Variants in ZNF749 observed in about 807,000 individuals in gnomAD.
ZNF749 encodes zinc finger protein 749.
In ZNF749, 8 loss-of-function variants were observed where a neutral mutation model predicts 7.3. The observed-to-expected ratio is 1.10, with a 90% CI of 0.64 to 1.98. ZNF749 has a LOEUF of 1.98. Ranked by LOEUF, ZNF749 falls within the 30% of genes most tolerant of loss-of-function variation. ZNF749 has a pLI of 0.00. For missense variants in ZNF749, 898 were observed against 932.4 expected, an observed-to-expected ratio of 0.96 and a Z score of 0.48; for synonymous variants, 310 against 322.4, an observed-to-expected ratio of 0.96 and a Z score of 0.41.
intron 1 of ZNF749, among the ~76,000 whole-genome samples, chr19:57,440,360 A>T (rs1273000605): frequency 2.0e-5 from 3 of 151,748 alleles, no homozygotes; most frequent in Admixed American, 2.0e-4. Context: ...ATGGGAAAAC[A>T]TGTACATTGC....
At position 57,445,653 on chromosome 19, in the gene ZNF749, G is replaced by C. The variant is rs576812423; in HGVS notation, c.*168G>C. 1.7e-3 allele frequency: 1,301 copies of C among 767,924 alleles called. 4 individuals carry two copies. The Middle Eastern group carries it at 0.02, about 12-fold the overall frequency. 47.6% of individuals were successfully genotyped at this position (767,924 alleles called of 1,614,324 possible). A position where few individuals can be genotyped will look rare whatever the true frequency, so the allele number is the denominator to read the frequency against. On this transcript the variant is annotated 3_prime_UTR_variant, in exon 3 of 3. Transcript: ENST00000334181. ...CTACATTAAAAACATTTATGTCCAG[G>C]CGTGGTGGCTCACGCCTGTAATCCC...
chr19:57,429,262 G>A, the ZNF749 span, among the ~76,000 whole-genome samples: 7,585 of 152,154 alleles, frequency 0.05, 573 homozygotes, highest in African/African-American at 0.17. The surrounding 1 kb of genome is among the most constrained non-coding windows in gnomAD (Gnocchi z 4.2). Flanking sequence ...CTGACCTCAG[G>A]TGATCTGCCT....
In ZNF749 at chr19:57,444,850, C is replaced by T; in HGVS notation, c.1702C>T (p.Gln568Ter). The change falls in exon 3 of 3, where the codon CAG (glutamine) becomes TAG (stop). Residue 568 changes from glutamine (Q) to a stop codon, truncating the protein, a stop_gained. Transcript: ENST00000334181. LOFTEE classifies it low-confidence loss of function (END_TRUNC). Reference protein sequence around the residue: ...CSECGKAFLTQAHLDGHQKIQ... With the variant: ...CSECGKAFLT ...TGAATGTGGGAAGGCCTTCCTTACA[C>T]AGGCTCATCTAGATGGTCACCAGAA... 1 of 1,614,132 alleles carries T rather than the reference C, an allele frequency of 6.2e-7. No individual in the cohort carries two copies. Among genetic ancestry groups the T allele is most frequent in the Non-Finnish European group, 8.5e-7 (1 of 1,179,996 alleles).
chr19:57,438,058 A>G (rs4801481), intron 1 of ZNF749: 371,341 of 398,686 alleles, frequency 0.93, 173,077 homozygotes, highest in Middle Eastern at 0.95. Flanking sequence ...GTAGGATGCC[A>G]CAGTACTGTC....
chr19:57,446,233 G>A lies in ZNF749; in HGVS notation c.*748G>A, dbSNP rs1269995896. 1.3e-5 allele frequency among the ~76,000 whole-genome samples: 2 copies of A among 152,140 alleles called. No individual in the cohort carries two copies. Among genetic ancestry groups the A allele is most frequent in the East Asian group, 1.9e-4 (1 of 5,182 alleles). ...TTCTCATAGCAGCCTGAGCCCTATTGTGAACTGTGCCTGTGAGGGATCTAG... is the reference window on the plus strand; with the variant it reads ...TTCTCATAGCAGCCTGAGCCCTATTATGAACTGTGCCTGTGAGGGATCTAG... On this transcript the variant is annotated 3_prime_UTR_variant, in exon 3 of 3. Coordinates refer to ENST00000334181, the MANE Select transcript of ZNF749 (RefSeq NM_001023561.4).
upstream of ZNF749, chr19:57,435,216 A>C (rs2088921669): frequency 7.5e-6 from 3 of 397,428 alleles, no homozygotes; most frequent in Admixed American, 1.3e-4. Flanking sequence ...CGACACAGGC[A>C]GCAACGTGAG....
At position 57,445,287 on chromosome 19, in the gene ZNF749, A is replaced by G. The variant is rs1014345549; in HGVS notation, c.2139A>G (p.Ile713Met). ...ELFRTKSSLI[I>M]HQQSHTGESP... Reference sequence around the variant, plus strand: ...TTAGGACTAAATCGAGCCTTATTATACATCAGCAGTCTCACACTGGAGAAA... The same window carrying G: ...TTAGGACTAAATCGAGCCTTATTATGCATCAGCAGTCTCACACTGGAGAAA... Residue 713 changes from isoleucine (I) to methionine (M), a missense_variant, in exon 3 of 3, where the codon ATA becomes ATG. Transcript: ENST00000334181. 2.5e-6 allele frequency: 4 copies of G among 1,613,880 alleles called. No homozygotes were observed. The Admixed American group carries it at 6.7e-5, about 27-fold the overall frequency.
chr19:57,433,854 A>G (rs1398334221), upstream of ZNF749, among the ~76,000 whole-genome samples: 1 of 151,750 alleles, frequency 6.6e-6, no homozygotes, highest in Non-Finnish European at 1.5e-5. Flanking sequence ...TTGCTACTCA[A>G]TTTTTCTCTC....
Position 57,445,454 on chromosome 19 carries a change from A to T in ZNF749, c.2306A>T (p.His769Leu), listed in dbSNP as rs141814159. The T allele has an allele frequency of 1.2e-6, 2 of 1,612,036 alleles. No individual in the cohort carries two copies. Among genetic ancestry groups the T allele is most frequent in the East Asian group, 2.2e-5 (1 of 44,844 alleles). Reference sequence around the variant, plus strand: ...AAATACAACTCCAGCCTCATTAAACATCAGATAATTCATACTGGAAAAAGG... The same window carrying T: ...AAATACAACTCCAGCCTCATTAAACTTCAGATAATTCATACTGGAAAAAGG... ...VFKYNSSLIKHQIIHTGKRP is the reference protein window; with the variant it reads ...VFKYNSSLIKLQIIHTGKRP Residue 769 changes from histidine to leucine, a missense_variant, in exon 3 of 3, where the codon CAT becomes CTT. Coordinates refer to ENST00000334181, the MANE Select transcript of ZNF749 (RefSeq NM_001023561.4).
Position 57,445,338 on chromosome 19 carries a change from G to C in ZNF749, c.2190G>C (p.Gly730=). ...GTCCTTTTAAGTTAAGGGAATGTGG[G>C]AAAGACTTCAACAAATGTAATACTG... is the stretch of plus-strand genomic sequence containing the variant. The part of the protein sequence containing the change: ...GESPFKLREC[G]KDFNKCNTGQ... Residue 730 remains glycine (G), a synonymous_variant, in exon 3 of 3, where the codon GGG becomes GGC. Coordinates refer to ENST00000334181, the MANE Select transcript of ZNF749 (RefSeq NM_001023561.4). 1 of 1,613,788 alleles carries C rather than the reference G, an allele frequency of 6.2e-7. No individual in the cohort carries two copies. The highest frequency in any genetic ancestry group is 2.2e-5 in the East Asian group (1 of 44,846).
intron 1 of ZNF749, among the ~76,000 whole-genome samples, chr19:57,441,197 T>C (rs1012695836): frequency 6.6e-6 from 1 of 151,408 alleles, no homozygotes; most frequent in Non-Finnish European, 1.5e-5. Context: ...CCCACCCATC[T>C]TTGTGCTGTG....
rs748345739 is a variant in ZNF749 at position 57,442,054 on chromosome 19, GT to G, written c.142+50del. On this transcript the variant is annotated intron_variant, in intron 2 of 2. Transcript: ENST00000334181. The surrounding 1 kb of genome is among the most constrained non-coding windows in gnomAD (Gnocchi z 6.6). ...ACTCTGGTGTCTTGTGCTGGGTGCT[GT>G]TTTTTTGCTCTTTTCCATGACAACT... The G allele has an allele frequency of 5.6e-6, 9 of 1,597,528 alleles. No homozygotes were observed. In the East Asian group the frequency reaches 1.6e-4, roughly 28 times the overall value.
At position 57,443,320 on chromosome 19, in the gene ZNF749, G is replaced by A; in HGVS notation, c.172G>A (p.Val58Ile). 1 of 1,610,782 alleles carries A rather than the reference G, an allele frequency of 6.2e-7. No individual in the cohort carries two copies. The highest frequency in any genetic ancestry group is 8.5e-7 in the Non-Finnish European group (1 of 1,177,862). ...TTGGCATGGAGCCAAGGATGAGGAG[G>A]TACCTTCCAAGCAGTGTGTTTCTGT... ...GCWHGAKDEE[V>I]PSKQCVSVRV... Residue 58 changes from valine to isoleucine, a missense_variant, in exon 3 of 3, where the codon GTA becomes ATA. Val to Ile is a conservative substitution (Grantham distance 29). Transcript: ENST00000334181.
rs750882566 is a variant in ZNF749, at chr19:57,445,982, A to G, written c.*497A>G. Among the ~76,000 whole-genome samples, 2 of 152,210 alleles carry G rather than the reference A, an allele frequency of 1.3e-5. No individual in the cohort carries two copies. The highest frequency in any genetic ancestry group is 2.9e-5 in the Non-Finnish European group (2 of 68,026). Reference sequence around the variant, plus strand: ...AATTACAGGTAACTTAAAATCTACCATCTTAACCCATATTTAACTGTACTG... The same window carrying G: ...AATTACAGGTAACTTAAAATCTACCGTCTTAACCCATATTTAACTGTACTG... On this transcript the variant is annotated 3_prime_UTR_variant, in exon 3 of 3. Transcript: ENST00000334181.
Position 57,443,423 on chromosome 19 carries a change from T to C in ZNF749, c.275T>C (p.Ile92Thr). Residue 92 changes from isoleucine (I) to threonine (T), a missense_variant, in exon 3 of 3, where the codon ATT (isoleucine) becomes ACT (threonine). Physicochemically the swap from Ile to Thr is moderately conservative, Grantham distance 89 (BLOSUM62 -1). Transcript: ENST00000334181. ...KAQPCKMCSSILKDILHLAEH... is the reference protein window; with the variant it reads ...KAQPCKMCSSTLKDILHLAEH... Reference sequence around the variant, plus strand: ...CAGCCCTGCAAGATGTGTAGCTCAATTCTGAAGGACATTCTGCACCTGGCT... The same window carrying C: ...CAGCCCTGCAAGATGTGTAGCTCAACTCTGAAGGACATTCTGCACCTGGCT... 1 of 1,614,246 alleles carries C rather than the reference T, an allele frequency of 6.2e-7. No homozygotes were observed. The highest frequency in any genetic ancestry group is 8.5e-7 in the Non-Finnish European group (1 of 1,180,042).
chr19:57,434,164 C>T (rs879314935), upstream of ZNF749, among the ~76,000 whole-genome samples: 2 of 152,186 alleles, frequency 1.3e-5, no homozygotes, highest in Non-Finnish European at 2.9e-5. Flanking sequence ...ATGGCGAGAT[C>T]TCGGCTCACC....
rs1326759188 is a variant in ZNF749, at chr19:57,435,367, A to G, written c.-212A>G. The G allele has an allele frequency of 5.9e-6, 4 of 678,810 alleles. No homozygotes were observed. Among genetic ancestry groups the G allele is most frequent in the Non-Finnish European group, 9.9e-6 (4 of 402,852 alleles). The allele number at this position is 678,810 out of a possible 1,614,324, so 42.0% of individuals were successfully genotyped here. On this transcript the variant is annotated 5_prime_UTR_variant, in exon 1 of 3. The change abolishes the stop of an existing upstream ORF in the 5' untranslated region. Transcript: ENST00000334181. ...CATGGTTGCGTTAGCATGGCTACCT[A>G]GGGATCTGTTCACTGATTTAGAGGG...
the ZNF749 span, among the ~76,000 whole-genome samples, chr19:57,430,075 C>G: frequency 6.6e-6 from 1 of 152,148 alleles, no homozygotes; most frequent in Non-Finnish European, 1.5e-5. Context: ...TTTCATCATT[C>G]AGGATTTATC....
At chr19:57,438,686 A>G (rs1445331966) in intron 1 of ZNF749, among the ~76,000 whole-genome samples, 1 of 152,130 alleles carries the variant, frequency 6.6e-6, no homozygotes, top group African/African-American at 2.4e-5. Context: ...CCCACCACTT[A>G]TCTCTCCGTT....
Sources: gnomAD v4.1 joint callset for allele counts (sites outside exome capture counted in the v4.1 genomes callset) on GRCh38, gnomAD v4.1.1 for gene constraint, Gnocchi (gnomAD v3.1) non-coding constraint, MANE v1.5 for transcripts, NCBI Gene and HGNC (gene_info 2026-07-23, HGNC 2026-07-21) for gene names.